Variants in SLC6A12 observed in about 807,000 individuals in gnomAD.
SLC6A12 encodes sodium- and chloride-dependent betaine transporter.
In SLC6A12, 50 loss-of-function variants were observed where a neutral mutation model predicts 73.3. The observed-to-expected ratio is 0.68, with a 90% CI of 0.54 to 0.86. SLC6A12 has a LOEUF of 0.86. Among genes scored for constraint, SLC6A12 ranks in the 40% least tolerant of loss-of-function variants. The probability of loss-of-function intolerance (pLI) is 0.00; values close to 1 mark genes in which losing one functional copy is unlikely to be tolerated. For missense variants in SLC6A12, 648 were observed against 772.8 expected (o/e 0.84, Z 1.92); for synonymous variants, 304 against 309.2 (o/e 0.98, Z 0.18).
At chr12:199,474 G>A (rs555338248) in intron 7 of SLC6A12, among the ~76,000 whole-genome samples, 1 of 152,316 alleles carries the variant, frequency 6.6e-6, no homozygotes, top group South Asian at 2.1e-4. Context: ...GCTTTTGCAG[G>A]CTAATGGTTG....
chr12:188,351 G>A (rs1328322925), downstream of SLC6A12, among the ~76,000 whole-genome samples: 2 of 151,968 alleles, frequency 1.3e-5, no homozygotes, highest in Non-Finnish European at 2.9e-5. Context: ...GGCCGGCGGG[G>A]CCGGCAGGCC....
chr12:191,268 C>A, intron 15 of SLC6A12, 57 bp from the exon 16 acceptor site: 1 of 1,251,818 alleles, frequency 8.0e-7, no homozygotes, highest in Non-Finnish European at 1.0e-6. Flanking sequence ...GCAGAAGGTT[C>A]CTCATGTGTG....
chr12:202,355 T>C (rs967544979), intron 5 of SLC6A12, among the ~76,000 whole-genome samples: 1 of 152,190 alleles, frequency 6.6e-6, no homozygotes, highest in African/African-American at 2.4e-5. Context: ...ATTTGTCTGT[T>C]CTTACCACCA....
In SLC6A12 at chr12:198,322, CT is replaced by C; in HGVS notation, c.847-320del. On this transcript the variant is annotated intron_variant, in intron 8 of 15. Transcript: ENST00000684302. This position sits in a 1 kb window ranked among gnomAD's most constrained non-coding sequence, Gnocchi z 4.0. ...ATCTGCAGGGCACAGCCAGAAGTCA[CT>C]TGTCTCATTCAACTAAGATCTCTGT... Among the ~76,000 whole-genome samples, 1 of 152,380 alleles carries C rather than the reference CT, an allele frequency of 6.6e-6. No homozygotes were observed. The highest frequency in any genetic ancestry group is 2.4e-5 in the African/African-American group (1 of 41,582).
At chr12:195,201 C>G in intron 13 of SLC6A12, 24 bp downstream of exon 13, 339 of 1,047,810 alleles carry the variant, frequency 3.2e-4, no homozygotes, top group Non-Finnish European at 4.4e-4. Context: ...ACCCTGCTTT[C>G]CCACCCCACT....
chr12:195,191 A>C, intron 13 of SLC6A12, 34 bp downstream of exon 13: 1 of 1,316,128 alleles, frequency 7.6e-7, no homozygotes, highest in Non-Finnish European at 1.1e-6. Flanking sequence ...TCTTTCTCCC[A>C]CCCTGCTTTC....
chr12:205,251 CCAG>C (rs1276246771), intron 3 of SLC6A12, among the ~76,000 whole-genome samples: 6 of 152,018 alleles, frequency 3.9e-5, no homozygotes, highest in Non-Finnish European at 8.8e-5. Flanking sequence ...TAACAGACAT[CCAG>C]CAGGTTACAC....
downstream of SLC6A12, among the ~76,000 whole-genome samples, chr12:185,839 G>A (rs1939420759): frequency 6.6e-6 from 1 of 152,238 alleles, no homozygotes; most frequent in Non-Finnish European, 1.5e-5. Flanking sequence ...CACCTGCCAG[G>A]CTTGGCTCTC....
chr12:198,041 C>T lies in SLC6A12; in HGVS notation c.847-38G>A, dbSNP rs1204359790. 4.5e-6 allele frequency: 7 copies of T among 1,571,360 alleles called. No homozygotes were observed. Among genetic ancestry groups the T allele is most frequent in the Non-Finnish European group, 1.8e-6 (2 of 1,141,884 alleles). ...CCAAGAAAGAGGTAGAGGCAGCCCC[C>T]AGGGCCCAGAGCCAGGGTGACCCGA... On this transcript the variant is annotated intron_variant, in intron 8 of 15. Coordinates refer to ENST00000684302, the MANE Select transcript of SLC6A12 (RefSeq NM_001122848.3). The surrounding 1 kb of genome is among the most constrained non-coding windows in gnomAD (Gnocchi z 4.0).
downstream of SLC6A12, among the ~76,000 whole-genome samples, chr12:186,527 CCT>C (rs1309664557): frequency 6.6e-6 from 1 of 152,216 alleles, no homozygotes; most frequent in Non-Finnish European, 1.5e-5. Context: ...GGCTGTAGTC[CCT>C]GTGTCAGCCA....
intron 3 of SLC6A12, among the ~76,000 whole-genome samples, chr12:206,946 G>C (rs1940679320): frequency 6.6e-6 from 1 of 152,236 alleles, no homozygotes; most frequent in Admixed American, 6.5e-5. Flanking sequence ...TTCTCACCTG[G>C]GAGTGTGGAT....
In SLC6A12 at chr12:196,182, A is replaced by C; in HGVS notation, c.1268T>G (p.Leu423Arg). 2 of 1,580,918 alleles carry C rather than the reference A, an allele frequency of 1.3e-6. No individual in the cohort carries two copies. Among genetic ancestry groups the C allele is most frequent in the South Asian group, 2.3e-5 (2 of 86,142 alleles). The change falls in exon 12 of 16, where the codon CTC (leucine) becomes CGC (arginine). Residue 423 changes from leucine to arginine, a missense_variant. By Grantham distance (102) the Leu-to-Arg change is moderately radical. Coordinates refer to ENST00000684302, the MANE Select transcript of SLC6A12 (RefSeq NM_001122848.3). ...CATGACGGCGATGGTGAGGATGAGG[A>C]GCTCGCGCCGCCCGCTCTTCCGGAG... ...RQLRKSGRRE[L>R]LILTIAVMCY... is the part of the protein sequence containing the mutation.
intron 3 of SLC6A12, chr12:205,034 G>T: frequency 4.0e-6 from 1 of 252,160 alleles, no homozygotes; most frequent in Non-Finnish European, 7.7e-6. Context: ...TAAACACATG[G>T]CTTCTGTATA....
At chr12:188,541 G>A (rs1345218173), downstream of SLC6A12, among the ~76,000 whole-genome samples, 1 of 152,332 alleles carries the variant, frequency 6.6e-6, no homozygotes, top group East Asian at 1.9e-4. Context: ...GCGGGGGGCT[G>A]AAGGGCTCCT....
Position 206,375 on chromosome 12 carries a change from G to A in SLC6A12, c.215-1677C>T, listed in dbSNP as rs564269326. ...CTGGCTTATTTCACTCAGCATGCAT[G>A]CCTCCAAGATTGATCCAGGTCATAG... On this transcript the variant is annotated intron_variant, in intron 3 of 15. Transcript: ENST00000684302. Among the ~76,000 whole-genome samples, 8 of 152,290 alleles carry A rather than the reference G, an allele frequency of 5.3e-5. No homozygotes were observed. In the East Asian group the frequency reaches 1.3e-3, roughly 26 times the overall value.
In SLC6A12 at chr12:193,273, A is replaced by G; in HGVS notation, c.1530+4T>C. The G allele has an allele frequency of 6.2e-7, 1 of 1,608,208 alleles. No homozygotes were observed. Among genetic ancestry groups the G allele is most frequent in the Admixed American group, 1.7e-5 (1 of 59,998 alleles). ...GAATAGAGGGGCAGCTGGTGGGCAC[A>G]TACCAGGCAAAGTCCAGGGGTCAGG... On this transcript the variant is annotated splice_donor_region_variant and intron_variant, in intron 14 of 15. Coordinates refer to ENST00000684302, the MANE Select transcript of SLC6A12 (RefSeq NM_001122848.3).
chr12:189,398 C>T (rs1565462200), downstream of SLC6A12, among the ~76,000 whole-genome samples: 3 of 152,188 alleles, frequency 2.0e-5, 1 homozygote, highest in South Asian at 6.2e-4. Context: ...TCCTTCTCTC[C>T]CCACTAGCCG....
rs772925314 is a variant in SLC6A12 at position 193,236 on chromosome 12, G to A, written c.1530+41C>T. The A allele has an allele frequency of 1.6e-5, 22 of 1,404,058 alleles. No homozygotes were observed. The East Asian group carries it at 4.6e-4, about 29-fold the overall frequency. 87.0% of individuals were successfully genotyped at this position (1,404,058 alleles called of 1,614,324 possible). ...CTTTCCCTCATCTCTGGAGTCTTCTGGGGGCAGGAAGGAATAGAGGGGCAG... is the reference window on the plus strand; with the variant it reads ...CTTTCCCTCATCTCTGGAGTCTTCTAGGGGCAGGAAGGAATAGAGGGGCAG... On this transcript the variant is annotated intron_variant, in intron 14 of 15. Transcript: ENST00000684302.
At position 195,213 on chromosome 12, in the gene SLC6A12, CA is replaced by C; in HGVS notation, c.1429+11del. On this transcript the variant is annotated intron_variant, in intron 13 of 15. Transcript: ENST00000684302. ...CCCACCCTGCTTTCCCACCCCACTC[CA>C]CCCCACTCACCATACACCCAGCTTA... The C allele has an allele frequency of 1.3e-6, 2 of 1,558,310 alleles. No individual in the cohort carries two copies. Among genetic ancestry groups the C allele is most frequent in the Non-Finnish European group, 1.8e-6 (2 of 1,129,450 alleles).
Sources: allele counts gnomAD v4.1 joint callset (sites outside exome capture counted in the v4.1 genomes callset), GRCh38; gene constraint gnomAD v4.1.1; non-coding constraint Gnocchi (gnomAD v3.1); transcripts MANE v1.5; gene names NCBI Gene and HGNC (gene_info 2026-07-23, HGNC 2026-07-21).